Variants in SLIT2 observed in about 807,000 individuals in gnomAD.
SLIT2 encodes the protein slit guidance ligand 2, also known as slit homolog 2 protein.
In SLIT2, 41 loss-of-function variants were observed where a neutral mutation model predicts 185.7. The ratio of observed to expected loss-of-function variants is 0.22; its 90% CI spans 0.17 to 0.29. SLIT2 has a LOEUF of 0.29. Among genes scored for constraint, SLIT2 ranks in the 10% least tolerant of loss-of-function variants. The pLI is 1.00. For missense variants in SLIT2, 1,571 were observed against 1,909.0 expected (o/e 0.82, Z 3.30); for synonymous variants, 693 against 680.2 (o/e 1.02, Z -0.29).
At chr4:20,305,881 T>G (rs1475030558) in intron 4 of SLIT2, among the ~76,000 whole-genome samples, 1 of 43,218 alleles carries the variant, frequency 2.3e-5, no homozygotes, top group East Asian at 1.8e-3. Context: ...AAAATAATAA[T>G]AATAATAATA....
At chr4:20,430,963 C>G (rs1728929120) in intron 4 of SLIT2, among the ~76,000 whole-genome samples, 1 of 152,154 alleles carries the variant, frequency 6.6e-6, no homozygotes, top group African/African-American at 2.4e-5. Context: ...CAGAAGAAAC[C>G]CAACTTTCTG....
Position 20,527,341 on chromosome 4 carries a change from A to G in SLIT2, c.1463-1608A>G, listed in dbSNP as rs1262730098. ...CTCGCTGTCTCCCAGGCTGGAGTGC[A>G]GTGGCATGATCTCGGCTCACTGCAA... On this transcript the variant is annotated intron_variant, in intron 15 of 36. Transcript: ENST00000504154. Among the ~76,000 whole-genome samples the G allele has an allele frequency of 5.9e-5, 9 of 152,020 alleles. No homozygotes were observed. The South Asian group carries it at 1.7e-3, about 28-fold the overall frequency.
At chr4:20,533,051 G>T (rs982394343) in intron 17 of SLIT2, among the ~76,000 whole-genome samples, 3 of 152,048 alleles carry the variant, frequency 2.0e-5, no homozygotes, top group African/African-American at 7.2e-5. Flanking sequence ...GTAGTAGTTG[G>T]TATCATACGT....
chr4:20,441,915 G>C (rs1729781280), intron 4 of SLIT2, among the ~76,000 whole-genome samples: 1 of 152,134 alleles, frequency 6.6e-6, no homozygotes, highest in Non-Finnish European at 1.5e-5. Context: ...GCAAAATTTA[G>C]CCTAATAAGA....
At chr4:20,347,310 A>G (rs1284273695) in intron 4 of SLIT2, among the ~76,000 whole-genome samples, 1 of 152,256 alleles carries the variant, frequency 6.6e-6, no homozygotes, top group African/African-American at 2.4e-5. Context: ...TCATGATACC[A>G]TATACTGTTC....
chr4:20,561,551 C>G (rs1194153111), intron 26 of SLIT2, among the ~76,000 whole-genome samples: 1 of 151,584 alleles, frequency 6.6e-6, no homozygotes, highest in Admixed American at 6.6e-5. Context: ...ATGAAAAATT[C>G]AGTTTTGAAG....
chr4:20,510,474 T>G, intron 9 of SLIT2, 21 bp from the exon 10 acceptor site: 1 of 1,559,264 alleles, frequency 6.4e-7, no homozygotes, highest in Non-Finnish European at 8.8e-7. Flanking sequence ...CATTTAAAAG[T>G]TGAATTTTTT....
At chr4:20,594,285 A>ATG (rs1293476638) in intron 30 of SLIT2, among the ~76,000 whole-genome samples, 1 of 150,800 alleles carries the variant, frequency 6.6e-6, no homozygotes, top group East Asian at 2.0e-4. Context: ...GTGTATGTAT[A>ATG]TGTGTGTATA....
chr4:20,550,287 C>T (rs1445406813), intron 24 of SLIT2, among the ~76,000 whole-genome samples: 1 of 151,954 alleles, frequency 6.6e-6, no homozygotes, highest in Non-Finnish European at 1.5e-5. Context: ...TCTATCATTT[C>T]CCCATTTTCT....
intron 4 of SLIT2, among the ~76,000 whole-genome samples, chr4:20,310,432 C>T (rs1192327595): frequency 6.6e-6 from 1 of 152,152 alleles, no homozygotes; most frequent in Non-Finnish European, 1.5e-5. Flanking sequence ...ACCATCATAA[C>T]CCGAGTTTCC....
At chr4:20,346,394 A>G (rs1721414964) in intron 4 of SLIT2, among the ~76,000 whole-genome samples, 1 of 152,222 alleles carries the variant, frequency 6.6e-6, no homozygotes, top group Admixed American at 6.5e-5. Flanking sequence ...AAATGTCTCC[A>G]GAAATTGCCA....
In SLIT2 at chr4:20,612,707, G is replaced by A. The variant is rs144429374; in HGVS notation, c.3847+2540G>A. Among the ~76,000 whole-genome samples, 84 of 152,256 alleles carry A rather than the reference G, an allele frequency of 5.5e-4. No individual in the cohort carries two copies. The East Asian group carries it at 0.015, about 28-fold the overall frequency. On this transcript the variant is annotated intron_variant, in intron 34 of 36. Transcript: ENST00000504154. ...CCAAGGCGGGTGGATCACGAGGTCAGGAGATTGAGACCATCCTGGTTAACA... is the reference window on the plus strand; with the variant it reads ...CCAAGGCGGGTGGATCACGAGGTCAAGAGATTGAGACCATCCTGGTTAACA...
At position 20,486,329 on chromosome 4, in the gene SLIT2, T is replaced by C. The variant is rs908630573; in HGVS notation, c.611+58T>C. ...TAATCAATTAAAGCTTCCCCTTAAA[T>C]AGCATGTTCAGTAAGCAAAGGACAG... On this transcript the variant is annotated intron_variant, in intron 7 of 36. Coordinates refer to ENST00000504154, the MANE Select transcript of SLIT2 (RefSeq NM_004787.4). The C allele has an allele frequency of 3.0e-6, 3 of 1,014,530 alleles. No individual in the cohort carries two copies. In the East Asian group the frequency reaches 7.2e-5, roughly 24 times the overall value. 62.8% of individuals were successfully genotyped at this position (1,014,530 alleles called of 1,614,324 possible).
rs1553908896 is a variant in SLIT2, at chr4:20,472,613, T to TATAGATCTATATAG, written c.467+4793_467+4794insGATCTATATAGATA. Among the ~76,000 whole-genome samples, 23 of 104,344 alleles carry TATAGATCTATATAG rather than the reference T, an allele frequency of 2.2e-4. 10 individuals are homozygous for TATAGATCTATATAG. The highest frequency in any genetic ancestry group is 4.1e-4 in the Non-Finnish European group (21 of 51,594). The allele number at this position is 104,344 out of a possible 152,430, so 68.5% of individuals were successfully genotyped here. On this transcript the variant is annotated intron_variant, in intron 5 of 36. Transcript: ENST00000504154. ...AGATATATATCTATAGATATATCTA[T>TATAGATCTATATAG]ATATATCGATATATCTATATATATC...
In SLIT2 at chr4:20,268,829, C is replaced by A; in HGVS notation, c.343C>A (p.Leu115Ile). Residue 115 changes from leucine to isoleucine, a missense_variant, in exon 4 of 37, where the codon CTT becomes ATT. Leu to Ile is a conservative substitution (Grantham distance 5, BLOSUM62 2). Around this residue, in one of 3 missense-constraint regions of SLIT2, gnomAD observed 1,202 missense variants for 1,416.4 expected, o/e 0.85. Coordinates refer to ENST00000504154, the MANE Select transcript of SLIT2 (RefSeq NM_004787.4). ...CAAAAGGCGTTTAAACAGAAATCAC[C>A]TTCAGCTGTTTCCTGAGTTGCTGTT... ...LERLRLNRNH[L>I]QLFPELLFLG... is the part of the protein sequence containing the mutation. 1 of 1,611,030 alleles carries A rather than the reference C, an allele frequency of 6.2e-7. No individual in the cohort carries two copies. Among genetic ancestry groups the A allele is most frequent in the Non-Finnish European group, 8.5e-7 (1 of 1,177,654 alleles).
At chr4:20,567,945 T>G (rs1272337197) in intron 28 of SLIT2, among the ~76,000 whole-genome samples, 3 of 152,108 alleles carry the variant, frequency 2.0e-5, no homozygotes, top group Admixed American at 2.0e-4. Context: ...CCCCTACTGC[T>G]AGTCATATAT....
intron 4 of SLIT2, among the ~76,000 whole-genome samples, chr4:20,343,913 T>G (rs1721172316): frequency 6.6e-6 from 1 of 152,014 alleles, no homozygotes; most frequent in African/African-American, 2.4e-5. Context: ...TGCAGTGTCA[T>G]GATCTCACCT....
intron 19 of SLIT2, among the ~76,000 whole-genome samples, chr4:20,540,851 A>G (rs1454983548): frequency 6.6e-6 from 1 of 152,216 alleles, no homozygotes; most frequent in Non-Finnish European, 1.5e-5. Context: ...TGAGATTGTC[A>G]ATAGGTTTAT....
At chr4:20,551,258 C>T (rs1050939943) in intron 25 of SLIT2, among the ~76,000 whole-genome samples, 1 of 152,170 alleles carries the variant, frequency 6.6e-6, no homozygotes, top group East Asian at 1.9e-4. Context: ...AGTCACATCT[C>T]AAGTATCACC....
Sources: gnomAD v4.1 joint callset for allele counts (sites outside exome capture counted in the v4.1 genomes callset) on GRCh38, gnomAD v4.1.1 for gene constraint, gnomAD v4.1.1 regional missense constraint, MANE v1.5 for transcripts, NCBI Gene and HGNC (gene_info 2026-07-23, HGNC 2026-07-21) for gene names.